Variants in KSR2 observed in about 807,000 individuals in gnomAD.
The protein encoded by KSR2 is kinase suppressor of ras 2.
A neutral mutation model predicts 107.8 loss-of-function variants in KSR2; 25 were observed. The ratio of observed to expected loss-of-function variants is 0.23; its 90% CI spans 0.17 to 0.32. The LOEUF is 0.32. KSR2 is among the 10% of genes least tolerant of loss of function. KSR2 has a pLI of 1.00. For synonymous variants in KSR2, 480 were observed against 507.0 expected (o/e 0.95, Z 0.71); for missense variants, 887 against 1,268.9 (o/e 0.70, Z 4.57).
At chr12:117,796,290 T>A (rs1890626690) in intron 3 of KSR2, among the ~76,000 whole-genome samples, 1 of 152,200 alleles carries the variant, frequency 6.6e-6, no homozygotes, top group African/African-American at 2.4e-5. Context: ...AGCAAGTGCA[T>A]GTGTGAGCCT....
At chr12:117,766,372 G>A (rs928377433) in intron 3 of KSR2, among the ~76,000 whole-genome samples, 3 of 152,178 alleles carry the variant, frequency 2.0e-5, no homozygotes, top group Non-Finnish European at 4.4e-5. Context: ...GAGCAGATTC[G>A]TGGTTGCCAG....
intron 3 of KSR2, among the ~76,000 whole-genome samples, chr12:117,780,840 G>C (rs1375856806): frequency 6.6e-6 from 1 of 152,224 alleles, no homozygotes; most frequent in Non-Finnish European, 1.5e-5. Flanking sequence ...TCTGGAAGAA[G>C]AGATGGGCGC....
intron 1 of KSR2, among the ~76,000 whole-genome samples, chr12:117,964,479 G>C (rs932901186): frequency 6.6e-6 from 1 of 152,156 alleles, no homozygotes; most frequent in East Asian, 1.9e-4. Context: ...AATTAAAAAC[G>C]CTAACATCCC....
At chr12:117,728,360 A>G (rs980960171) in intron 4 of KSR2, among the ~76,000 whole-genome samples, 1 of 152,232 alleles carries the variant, frequency 6.6e-6, no homozygotes, top group African/African-American at 2.4e-5. Flanking sequence ...AACTTCTGTC[A>G]TTTTGTTACA....
rs1222511261 is a variant in KSR2 at position 117,458,510 on chromosome 12, G to A, written c.*8689C>T. On this transcript the variant is annotated 3_prime_UTR_variant, in exon 20 of 20. Coordinates refer to ENST00000339824, the MANE Select transcript of KSR2 (RefSeq NM_173598.6). Reference sequence around the variant, plus strand: ...GCAAATAGCATGTTGGCATAAACAAGTGCTGCCCGCTCAATGGAGGGAGGG... The same window carrying A: ...GCAAATAGCATGTTGGCATAAACAAATGCTGCCCGCTCAATGGAGGGAGGG... The A allele has an allele frequency of 6.6e-6, 1 of 152,060 alleles. No homozygotes were observed. Among genetic ancestry groups the A allele is most frequent in the Non-Finnish European group, 1.5e-5 (1 of 68,018 alleles). The allele number at this position is 152,060 out of a possible 1,614,324, so 9.4% of individuals were successfully genotyped here. A position where few individuals can be genotyped will look rare whatever the true frequency, so the allele number is the denominator to read the frequency against.
In KSR2 at chr12:117,907,508, C is replaced by T. The variant is rs538619015; in HGVS notation, c.181-47077G>A. Among the ~76,000 whole-genome samples the T allele has an allele frequency of 1.3e-4, 20 of 152,262 alleles. No individual in the cohort carries two copies. The South Asian group carries it at 3.3e-3, about 25-fold the overall frequency. The stretch of plus-strand genomic sequence containing the variant: ...CCAACACCATCCGCTAACTAATCTA[C>T]GGGGCTGGATTGACGTCAGCCACAG... On this transcript the variant is annotated intron_variant, in intron 1 of 19. Transcript: ENST00000339824. This position sits in a 1 kb window ranked among gnomAD's most constrained non-coding sequence, Gnocchi z 4.3.
At chr12:117,485,454 G>A (rs1872409472) in intron 15 of KSR2, 141 bp downstream of exon 15, 1 of 612,960 alleles carries the variant, frequency 1.6e-6, no homozygotes, top group African/African-American at 1.9e-5. Flanking sequence ...CATTTTTCAG[G>A]TCAAGTCTAA....
chr12:117,750,377 G>T (rs1888573047), intron 4 of KSR2, among the ~76,000 whole-genome samples: 1 of 151,418 alleles, frequency 6.6e-6, no homozygotes, highest in South Asian at 2.1e-4. Context: ...TACATATAAT[G>T]CTATTAATAT....
chr12:117,482,818 C>T (rs937872959), intron 16 of KSR2, among the ~76,000 whole-genome samples: 32 of 152,172 alleles, frequency 2.1e-4, no homozygotes, highest in African/African-American at 7.5e-4. Flanking sequence ...ATGGACATGC[C>T]ACCAGGAGGG....
rs958662624 is a variant in KSR2 at position 117,820,759 on chromosome 12, G to GA, written c.472+34668dup. On this transcript the variant is annotated intron_variant, in intron 3 of 19. Coordinates refer to ENST00000339824, the MANE Select transcript of KSR2 (RefSeq NM_173598.6). ...ACCTGGCAGCAGTCAGAGTCAGTGT[G>GA]AAAAAAAAAAAATCCAGGTGCTACC... Among the ~76,000 whole-genome samples, 1,188 of 143,484 alleles carry GA rather than the reference G, an allele frequency of 8.3e-3. 12 individuals carry two copies. The highest frequency in any genetic ancestry group is 0.015 in the Non-Finnish European group (955 of 65,278). The allele number at this position is 143,484 out of a possible 152,430, so 94.1% of individuals were successfully genotyped here. A position where few individuals can be genotyped will look rare whatever the true frequency, so the allele number is the denominator to read the frequency against.
At chr12:117,836,957 C>A (rs1021155424) in intron 3 of KSR2, among the ~76,000 whole-genome samples, 1 of 152,216 alleles carries the variant, frequency 6.6e-6, no homozygotes, top group Non-Finnish European at 1.5e-5. Context: ...TTTGCATCTC[C>A]ACTAGTTATT....
At chr12:117,556,895 G>A (rs895983218) in intron 8 of KSR2, among the ~76,000 whole-genome samples, 5 of 152,156 alleles carry the variant, frequency 3.3e-5, no homozygotes, top group Admixed American at 6.5e-5. Flanking sequence ...GGCCAGGCGC[G>A]GTGGCTCACA....
At chr12:117,513,854 T>C (rs899523909) in intron 14 of KSR2, among the ~76,000 whole-genome samples, 4 of 152,236 alleles carry the variant, frequency 2.6e-5, no homozygotes, top group African/African-American at 7.2e-5. Context: ...CCAACCTGCA[T>C]GAATTACTGG....
At position 117,490,327 on chromosome 12, in the gene KSR2, T is replaced by C. The variant is rs559177518; in HGVS notation, c.2220-4636A>G. On this transcript the variant is annotated intron_variant, in intron 14 of 19. Transcript: ENST00000339824. The stretch of plus-strand genomic sequence containing the variant: ...CCTTCAGAAATGACTTCAACCTCAG[T>C]TTCCATGTCTGTAAAATGGGCACAG... 1.5e-4 allele frequency among the ~76,000 whole-genome samples: 23 copies of C among 152,334 alleles called. No homozygotes were observed. In the South Asian group the frequency reaches 3.7e-3, roughly 25 times the overall value.
chr12:117,923,902 G>C (rs1017205634), intron 1 of KSR2, among the ~76,000 whole-genome samples: 15 of 145,462 alleles, frequency 1.0e-4, no homozygotes, highest in African/African-American at 3.8e-4. Context: ...TTTGAGACAA[G>C]AGTTTCACGC....
intron 14 of KSR2, among the ~76,000 whole-genome samples, chr12:117,511,377 G>A (rs1480556415): frequency 6.6e-6 from 1 of 152,210 alleles, no homozygotes; most frequent in African/African-American, 2.4e-5. Context: ...AATGACCTAT[G>A]AAATTCATCT....
intron 7 of KSR2, among the ~76,000 whole-genome samples, chr12:117,568,076 G>C (rs1878642385): frequency 6.6e-6 from 1 of 152,146 alleles, no homozygotes. Flanking sequence ...TCAGACCTCG[G>C]GTTCCAAGGA....
chr12:117,926,173 A>G (rs1465296963), intron 1 of KSR2, among the ~76,000 whole-genome samples: 1 of 152,168 alleles, frequency 6.6e-6, no homozygotes, highest in African/African-American at 2.4e-5. Flanking sequence ...ATTCCAGCGT[A>G]TGTGATAGAG....
intron 6 of KSR2, among the ~76,000 whole-genome samples, chr12:117,579,821 C>T (rs574785624): frequency 1.3e-5 from 2 of 152,268 alleles, no homozygotes; most frequent in South Asian, 2.1e-4. Context: ...GCTCTCCAAC[C>T]CCATCCACTT....
Sources: gnomAD v4.1 joint callset for allele counts (sites outside exome capture counted in the v4.1 genomes callset) on GRCh38, gnomAD v4.1.1 for gene constraint, Gnocchi (gnomAD v3.1) non-coding constraint, MANE v1.5 for transcripts, NCBI Gene and HGNC (gene_info 2026-07-23, HGNC 2026-07-21) for gene names.